The following MCRS1 variants were observed in gnomAD, a reference collection of about 807,000 sequenced individuals.
MCRS1 encodes 58 kDa microspherule protein.
MCRS1 carries 22 observed loss-of-function variants against 62.9 expected under a neutral mutation model. The ratio of observed to expected loss-of-function variants is 0.35; its 90% confidence interval spans 0.25 to 0.50. MCRS1 has a LOEUF of 0.50. MCRS1 is among the 20% of genes least tolerant of loss of function. The pLI is 0.98. For missense variants in MCRS1, 456 were observed against 601.1 expected, an observed-to-expected ratio of 0.76 and a Z score of 2.52; for synonymous variants, 244 against 233.5, an observed-to-expected ratio of 1.04 and a Z score of -0.41.
At chr12:49,565,724 C>A in intron 3 of MCRS1, 57 bp from the exon 4 acceptor site, 1 of 1,612,466 alleles carries the variant, frequency 6.2e-7, no homozygotes, top group East Asian at 2.2e-5. Context: ...CCCATTCACA[C>A]ACCCCCAGCC....
At position 49,559,430 on chromosome 12, in the gene MCRS1, G is replaced by A. The variant is rs919869145; in HGVS notation, c.1086+23C>T. ...ACTGACAGAGGAAGCAGCCTAAGAA[G>A]GGCGGGGATGGGCCTGCCTCACCTC... On this transcript the variant is annotated intron_variant, in intron 12 of 14. Coordinates refer to ENST00000343810, the MANE Select transcript of MCRS1 (RefSeq NM_006337.5). The surrounding 1 kb of genome is among the most constrained non-coding windows in gnomAD (Gnocchi z 5.2). 2.5e-6 allele frequency: 4 copies of A among 1,613,706 alleles called. No homozygotes were observed. The Admixed American group carries it at 5.0e-5, about 20-fold the overall frequency.
chr12:49,564,304 G>C (rs1441191600), intron 6 of MCRS1, among the ~76,000 whole-genome samples, 177 bp downstream of exon 6: 1 of 152,186 alleles, frequency 6.6e-6, no homozygotes, highest in Non-Finnish European at 1.5e-5. Context: ...TCCCTTGCCT[G>C]GAGGCAGGAA....
chr12:49,565,229 T>G (rs1165840481), intron 4 of MCRS1: 2 of 985,292 alleles, frequency 2.0e-6, no homozygotes, highest in African/African-American at 3.5e-5. Context: ...ACCTGGGGGT[T>G]ATTTTTACAC....
Position 49,563,533 on chromosome 12 carries a change from C to A in MCRS1, c.571G>T (p.Ala191Ser). The A allele has an allele frequency of 6.2e-7, 1 of 1,610,082 alleles. No homozygotes were observed. The highest frequency in any genetic ancestry group is 8.5e-7 in the Non-Finnish European group (1 of 1,178,870). The change falls in exon 7 of 15, where the codon GCC (alanine) becomes TCC (serine). Residue 191 changes from alanine to serine, a missense_variant. Around this residue, in one of 3 missense-constraint regions of MCRS1, gnomAD observed 393 missense variants for 523.5 expected, o/e 0.75. Coordinates refer to ENST00000343810, the MANE Select transcript of MCRS1 (RefSeq NM_006337.5). The part of the protein sequence containing the change: ...DPVISKLACQ[A>S]MRQLHPEAIA... ...GCCTCTGGGTGCAGCTGCCTCATGG[C>A]CTGACAGGCCAACCTGGACACGGAA...
rs1445562898 is a variant in MCRS1, at chr12:49,558,403, G to A, written c.*240C>T. 4 of 543,982 alleles carry A rather than the reference G, an allele frequency of 7.4e-6. No individual in the cohort carries two copies. Among genetic ancestry groups the A allele is most frequent in the East Asian group, 5.8e-5 (2 of 34,408 alleles). 33.7% of individuals were successfully genotyped at this position (543,982 alleles called of 1,614,324 possible). A position where few individuals can be genotyped will look rare whatever the true frequency, so the allele number is the denominator to read the frequency against. The stretch of plus-strand genomic sequence containing the variant: ...GGAGTGAAGGTGGCAATGGGGGGTA[G>A]GGTTGTTTTTAGAGAGAGGAAGATG... On this transcript the variant is annotated 3_prime_UTR_variant, in exon 15 of 15. Coordinates refer to ENST00000343810, the MANE Select transcript of MCRS1 (RefSeq NM_006337.5).
chr12:49,566,436 TCATGTCGTGCAGCA>T, intron 2 of MCRS1: 1 of 1,572,760 alleles, frequency 6.4e-7, no homozygotes, highest in Middle Eastern at 1.7e-4. Flanking sequence ...GTGCCACGTG[TCATGTCGTGCAGCA>T]CATGGTGCTC....
chr12:49,567,872 G>C (rs1372195345), intron 1 of MCRS1, 176 bp downstream of exon 1: 3 of 152,190 alleles, frequency 2.0e-5, no homozygotes, highest in Admixed American at 6.5e-5. Flanking sequence ...TTGCGCATGC[G>C]TAACACTTCG....
At chr12:49,561,379 T>C (rs779594674) in intron 8 of MCRS1, among the ~76,000 whole-genome samples, 4 of 152,030 alleles carry the variant, frequency 2.6e-5, no homozygotes, top group African/African-American at 4.8e-5. Flanking sequence ...TGAGACCATA[T>C]GGGGGGAAGC....
At position 49,559,204 on chromosome 12, in the gene MCRS1, T is replaced by A. The variant is rs567003252; in HGVS notation, c.1174+10A>T. The A allele has an allele frequency of 6.2e-7, 1 of 1,611,082 alleles. No individual in the cohort carries two copies. Among genetic ancestry groups the A allele is most frequent in the Non-Finnish European group, 8.5e-7 (1 of 1,178,540 alleles). ...CACTGCTTCCTGCTGGGGCAGGGGG[T>A]GGGGGATACCTTGTTTCCGGGATAT... On this transcript the variant is annotated intron_variant, in intron 13 of 14. Coordinates refer to ENST00000343810, the MANE Select transcript of MCRS1 (RefSeq NM_006337.5). This position sits in a 1 kb window ranked among gnomAD's most constrained non-coding sequence, Gnocchi z 5.2.
At chr12:49,567,497 G>A (rs1342107008) in intron 1 of MCRS1, 2 of 152,092 alleles carry the variant, frequency 1.3e-5, no homozygotes, top group Non-Finnish European at 2.9e-5. Flanking sequence ...AACCAGGGTG[G>A]CTCTTAGCTC....
chr12:49,566,275 G>A, intron 2 of MCRS1, 60 bp from the exon 3 acceptor site: 1 of 1,580,486 alleles, frequency 6.3e-7, no homozygotes, highest in South Asian at 1.1e-5. Flanking sequence ...CTGCAAATGG[G>A]ACCCCTCCCC....
At chr12:49,560,714 T>C (rs1198466975) in intron 8 of MCRS1, among the ~76,000 whole-genome samples, 1 of 152,158 alleles carries the variant, frequency 6.6e-6, no homozygotes, top group Non-Finnish European at 1.5e-5. Flanking sequence ...AGGAGAGGGG[T>C]TAAACTATGT....
intron 7 of MCRS1, 66 bp from the exon 8 acceptor site, chr12:49,563,205 C>G (rs1938867658): frequency 6.5e-7 from 1 of 1,536,296 alleles, no homozygotes; most frequent in African/African-American, 1.4e-5. Flanking sequence ...GCCTTACCAT[C>G]TCTACCTCCC....
intron 4 of MCRS1, chr12:49,565,191 G>C: frequency 2.1e-5 from 21 of 985,408 alleles, no homozygotes; most frequent in Non-Finnish European, 2.4e-5. Flanking sequence ...ACTCTTGCTG[G>C]TGCAGTGTCT....
intron 4 of MCRS1, 100 bp downstream of exon 4, chr12:49,565,429 C>T: frequency 6.6e-7 from 1 of 1,518,668 alleles, no homozygotes; most frequent in Non-Finnish European, 8.8e-7. Flanking sequence ...TTGGTCCTCT[C>T]ACCAGCCTGC....
intron 4 of MCRS1, chr12:49,565,099 C>T: frequency 3.0e-6 from 3 of 985,440 alleles, no homozygotes; most frequent in Non-Finnish European, 3.6e-6. Context: ...CTATATAGTC[C>T]TTGACCATAC....
chr12:49,559,841 T>C lies in MCRS1; in HGVS notation c.911-20A>G. 1 of 1,614,026 alleles carries C rather than the reference T, an allele frequency of 6.2e-7. No individual in the cohort carries two copies. ...TCAGCTCTGGGGTGAGGTGGGGTGGTAAGGAGGGATGCTCTGAGGCCACCA... is the reference window on the plus strand; with the variant it reads ...TCAGCTCTGGGGTGAGGTGGGGTGGCAAGGAGGGATGCTCTGAGGCCACCA... On this transcript the variant is annotated intron_variant, in intron 10 of 14. Transcript: ENST00000343810. This position sits in a 1 kb window ranked among gnomAD's most constrained non-coding sequence, Gnocchi z 5.2.
chr12:49,560,894 C>T (rs909889660), intron 8 of MCRS1, among the ~76,000 whole-genome samples: 2 of 152,176 alleles, frequency 1.3e-5, no homozygotes, highest in Non-Finnish European at 2.9e-5. Flanking sequence ...TGGTGGGCGC[C>T]GCCCACCTTA....
At chr12:49,564,706 G>C (rs1305230733) in intron 5 of MCRS1, 31 bp downstream of exon 5, 1 of 1,602,966 alleles carries the variant, frequency 6.2e-7, no homozygotes, top group Non-Finnish European at 8.5e-7. Flanking sequence ...TGGGGGAAAG[G>C]GGCACACTGA....
Sources: gnomAD v4.1 joint callset for allele counts (sites outside exome capture counted in the v4.1 genomes callset) on GRCh38, gnomAD v4.1.1 for gene constraint, gnomAD v4.1.1 regional missense constraint, Gnocchi (gnomAD v3.1) non-coding constraint, MANE v1.5 for transcripts, NCBI Gene and HGNC (gene_info 2026-07-23, HGNC 2026-07-21) for gene names.